The following TNFAIP8 variants were observed in gnomAD, a reference collection of about 807,000 sequenced individuals.
The protein encoded by TNFAIP8 is TNF alpha induced protein 8.
In TNFAIP8, 7 loss-of-function variants were observed where a neutral mutation model predicts 13.3. The observed-to-expected ratio is 0.52, with a 90% CI of 0.30 to 0.99. The LOEUF (loss-of-function observed/expected upper bound fraction) is 0.99, where lower values mean the gene tolerates loss of function less well. TNFAIP8 is among the 50% of genes least tolerant of loss of function. TNFAIP8 has a pLI of 0.07. For missense variants in TNFAIP8, 258 were observed against 236.9 expected (o/e 1.09, Z -0.58); for synonymous variants, 94 against 87.6 (o/e 1.07, Z -0.41).
intron 1 of TNFAIP8, among the ~76,000 whole-genome samples, chr5:119,275,416 C>G (rs1423627388): frequency 6.6e-6 from 1 of 152,152 alleles, no homozygotes; most frequent in Non-Finnish European, 1.5e-5. Context: ...AGATACTGAA[C>G]TGGGATGGGC....
At chr5:119,334,177 A>G (rs1480299039) in intron 1 of TNFAIP8, among the ~76,000 whole-genome samples, 2 of 151,514 alleles carry the variant, frequency 1.3e-5, no homozygotes, top group African/African-American at 2.4e-5. Flanking sequence ...CATATAAAGC[A>G]TTTTGTACTT....
chr5:119,290,874 T>C (rs1401098010), intron 1 of TNFAIP8, among the ~76,000 whole-genome samples: 3 of 152,134 alleles, frequency 2.0e-5, no homozygotes, highest in Non-Finnish European at 2.9e-5. Flanking sequence ...GGGACATTAA[T>C]GGAGCAGTGT....
chr5:119,336,420 C>T lies in TNFAIP8; in HGVS notation c.2-56396C>T, dbSNP rs558157341. Among the ~76,000 whole-genome samples, 3 of 152,268 alleles carry T rather than the reference C, an allele frequency of 2.0e-5. No homozygotes were observed. The South Asian group carries it at 6.2e-4, about 32-fold the overall frequency. On this transcript the variant is annotated intron_variant, in intron 1 of 1. Coordinates refer to the TNFAIP8 transcript ENST00000274456. ...GAGAGGAAGAAAAGTGCTGTGGGCTCCTCCAGCACCTGTGTTTCAACCTGG... is the reference window on the plus strand; with the variant it reads ...GAGAGGAAGAAAAGTGCTGTGGGCTTCTCCAGCACCTGTGTTTCAACCTGG...
chr5:119,300,756 G>C (rs527433465), intron 1 of TNFAIP8, among the ~76,000 whole-genome samples: 59 of 152,234 alleles, frequency 3.9e-4, no homozygotes, highest in African/African-American at 1.4e-3. Context: ...AGGCTATGCT[G>C]TTACCCCTTT....
intron 1 of TNFAIP8, among the ~76,000 whole-genome samples, chr5:119,390,261 T>A (rs900183255): frequency 3.9e-5 from 6 of 152,214 alleles, no homozygotes; most frequent in Admixed American, 3.9e-4. Flanking sequence ...ATCCTGGTTA[T>A]CTGCTGAGTA....
At chr5:119,330,418 G>C (rs1750341340) in intron 1 of TNFAIP8, among the ~76,000 whole-genome samples, 1 of 152,166 alleles carries the variant, frequency 6.6e-6, no homozygotes, top group Non-Finnish European at 1.5e-5. Context: ...TAAGGATGTG[G>C]GTAGCTATAA....
In TNFAIP8 at chr5:119,379,549, C is replaced by T. The variant is rs1369531823; in HGVS notation, c.32-13267C>T. On this transcript the variant is annotated intron_variant, in intron 1 of 1. Transcript: ENST00000504771. ...TATAGCTTTTCTTTAGTTTCTGTTC[C>T]CTGATGTGTTTGACCTGTGCTCCTT... is the stretch of plus-strand genomic sequence containing the variant. Among the ~76,000 whole-genome samples, 4 of 152,008 alleles carry T rather than the reference C, an allele frequency of 2.6e-5. No individual in the cohort carries two copies. The East Asian group carries it at 7.7e-4, about 29-fold the overall frequency.
chr5:119,318,974 T>C lies in TNFAIP8; in HGVS notation c.1+50067T>C, dbSNP rs996066225. ...ATAACAGCTCATATGATATTTGGCA[T>C]GAATACTCCTTCAGTTTTGGAACAA... On this transcript the variant is annotated intron_variant, in intron 1 of 1. Coordinates refer to the TNFAIP8 transcript ENST00000274456. Among the ~76,000 whole-genome samples, 4 of 152,324 alleles carry C rather than the reference T, an allele frequency of 2.6e-5. No individual in the cohort carries two copies. The East Asian group carries it at 7.7e-4, about 29-fold the overall frequency.
intron 1 of TNFAIP8, among the ~76,000 whole-genome samples, chr5:119,347,513 C>T (rs530656699): frequency 6.6e-6 from 1 of 152,314 alleles, no homozygotes; most frequent in African/African-American, 2.4e-5. Context: ...GGTAGGCTAG[C>T]ACATTGTTCA....
chr5:119,333,292 C>A (rs1468501762), intron 1 of TNFAIP8: 3 of 1,116,278 alleles, frequency 2.7e-6, no homozygotes, highest in Non-Finnish European at 3.3e-6. Flanking sequence ...AATGTGGAGA[C>A]CTCTCTGGAC....
chr5:119,309,598 G>A (rs1261525484), intron 1 of TNFAIP8, among the ~76,000 whole-genome samples: 1 of 152,220 alleles, frequency 6.6e-6, no homozygotes, highest in Non-Finnish European at 1.5e-5. Flanking sequence ...TGGCAGAAGA[G>A]CAGGGTGGGT....
intron 1 of TNFAIP8, among the ~76,000 whole-genome samples, chr5:119,299,268 T>C (rs968833971): frequency 3.3e-5 from 5 of 152,120 alleles, no homozygotes; most frequent in Non-Finnish European, 7.3e-5. Context: ...ATGATGGTGA[T>C]GTACAGATGG....
chr5:119,344,569 G>A (rs554246692), intron 1 of TNFAIP8, among the ~76,000 whole-genome samples: 21 of 152,306 alleles, frequency 1.4e-4, no homozygotes, highest in African/African-American at 5.1e-4. Context: ...GCCAATTCTT[G>A]TGTGGCAGGT....
intron 1 of TNFAIP8, among the ~76,000 whole-genome samples, chr5:119,390,561 C>T (rs1752852124): frequency 6.6e-6 from 1 of 152,152 alleles, no homozygotes; most frequent in Non-Finnish European, 1.5e-5. Flanking sequence ...CACATTTTCA[C>T]TTTCCTTCTC....
chr5:119,374,349 T>C (rs534553757), intron 1 of TNFAIP8, among the ~76,000 whole-genome samples: 15 of 152,226 alleles, frequency 9.9e-5, no homozygotes, highest in African/African-American at 3.6e-4. Flanking sequence ...TATTTTGGAG[T>C]TTGGATTTTT....
intron 1 of TNFAIP8, among the ~76,000 whole-genome samples, chr5:119,310,084 A>G (rs1581593704): frequency 6.6e-6 from 1 of 152,122 alleles, no homozygotes; most frequent in African/African-American, 2.4e-5. Flanking sequence ...GATTTCTTTT[A>G]TGGGGAGAGG....
intron 1 of TNFAIP8, among the ~76,000 whole-genome samples, chr5:119,381,930 T>TA (rs1270368596): frequency 1.1e-3 from 165 of 150,730 alleles, no homozygotes; most frequent in African/African-American, 3.5e-3. Flanking sequence ...TCAAAAAAAA[T>TA]AAAAAAAAAC....
intron 1 of TNFAIP8, among the ~76,000 whole-genome samples, chr5:119,271,618 G>C (rs1199848305): frequency 6.6e-6 from 1 of 152,158 alleles, no homozygotes; most frequent in African/African-American, 2.4e-5. Flanking sequence ...GGGCATAGGG[G>C]CTATTAGTAC....
chr5:119,379,952 G>A (rs560616008), intron 1 of TNFAIP8, among the ~76,000 whole-genome samples: 52 of 152,322 alleles, frequency 3.4e-4, no homozygotes, highest in Non-Finnish European at 6.5e-4. Flanking sequence ...CAGGCTCTAA[G>A]AAGTGGGATT....
Sources: gnomAD v4.1 joint callset for allele counts (sites outside exome capture counted in the v4.1 genomes callset) on GRCh38, gnomAD v4.1.1 for gene constraint, MANE v1.5 for transcripts, NCBI Gene and HGNC (gene_info 2026-07-23, HGNC 2026-07-21) for gene names.